Variants in CSPG4 observed in about 807,000 individuals in gnomAD.
The protein encoded by CSPG4 is chondroitin sulfate proteoglycan 4.
A neutral mutation model predicts 139.3 loss-of-function variants in CSPG4; 74 were observed. That is an observed-to-expected ratio of 0.53 (90% CI 0.44 to 0.64). The LOEUF (loss-of-function observed/expected upper bound fraction) is 0.64. CSPG4 is among the 30% of genes least tolerant of loss of function. The pLI is 0.00. For missense variants in CSPG4, 2,565 were observed against 3,148.3 expected, an observed-to-expected ratio of 0.81 and a Z score of 4.43; for synonymous variants, 1,234 against 1,394.2, an observed-to-expected ratio of 0.89 and a Z score of 2.56.
Position 75,676,816 on chromosome 15 carries a change from T to G in CSPG4, c.5703A>C (p.Ser1901=). ...CGTTGGCCACGAAGGCCAGCCGCCC[T>G]GAATCCACATCGGCTTGCGTGAAGC... is the stretch of plus-strand genomic sequence containing the variant. ...VTRFTQADVD[S]GRLAFVANGS... is the part of the protein sequence containing the mutation. The change falls in exon 10 of 10, where the codon TCA becomes TCC. Residue 1901 remains serine, a synonymous_variant. Transcript: ENST00000308508. 1.3e-6 allele frequency: 2 copies of G among 1,546,442 alleles called. No homozygotes were observed. The highest frequency in any genetic ancestry group is 3.8e-5 in the Admixed American group (2 of 52,166).
At chr15:75,683,947 C>T (rs1894016711) in intron 5 of CSPG4, among the ~76,000 whole-genome samples, 1 of 152,172 alleles carries the variant, frequency 6.6e-6, no homozygotes, top group African/African-American at 2.4e-5. Flanking sequence ...CCTGTGGTTC[C>T]AGAGCACTGT....
At chr15:75,686,618 G>A (rs1018871297) in intron 3 of CSPG4, among the ~76,000 whole-genome samples, 2 of 152,208 alleles carry the variant, frequency 1.3e-5, no homozygotes, top group Admixed American at 1.3e-4. Flanking sequence ...CGGCCCAAAC[G>A]CTGCCTCCTC....
chr15:75,680,694 G>C (rs543061399), intron 8 of CSPG4: 1 of 153,776 alleles, frequency 6.5e-6, no homozygotes, highest in Admixed American at 6.5e-5. Flanking sequence ...TCCTGGACTC[G>C]CAGGCAGAAG....
chr15:75,685,406 G>A lies in CSPG4; in HGVS notation c.4085C>T (p.Ala1362Val), dbSNP rs182540548. Reference sequence around the variant, plus strand: ...ACCCTCAGGGACGCTGAAGTTTTGCGCCTCTAGTGGGATGGCAGCGGGCAG... The same window carrying A: ...ACCCTCAGGGACGCTGAAGTTTTGCACCTCTAGTGGGATGGCAGCGGGCAG... ...EVLPAAIPLEAQNFSVPEGGS... is the reference protein window; with the variant it reads ...EVLPAAIPLEVQNFSVPEGGS... The change falls in exon 4 of 10, where the codon GCG (alanine) becomes GTG (valine). Residue 1362 changes from alanine (A) to valine (V), a missense_variant. This residue lies in a region of CSPG4 where 2,316 missense variants were observed against 2,818.2 expected (regional missense o/e 0.82). Coordinates refer to ENST00000308508, the MANE Select transcript of CSPG4 (RefSeq NM_001897.5). 7.2e-5 allele frequency: 116 copies of A among 1,611,778 alleles called. No homozygotes were observed. In the Admixed American group the frequency reaches 7.8e-4, roughly 11 times the overall value.
rs761337875 is a variant in CSPG4 at position 75,688,026 on chromosome 15, G to A, written c.3039C>T (p.Pro1013=). 1.6e-5 allele frequency: 26 copies of A among 1,611,794 alleles called. No homozygotes were observed. Among genetic ancestry groups the A allele is most frequent in the Admixed American group, 3.3e-5 (2 of 59,958 alleles). ...VRGVFRVAIQ[P]VNDHAPVQTI... Reference sequence around the variant, plus strand: ...TCTGCACAGGGGCGTGGTCATTCACGGGCTGGATGGCCACTCGGAAGACAC... The same window carrying A: ...TCTGCACAGGGGCGTGGTCATTCACAGGCTGGATGGCCACTCGGAAGACAC... Residue 1013 remains proline, a synonymous_variant, in exon 3 of 10, where the codon CCC becomes CCT. Coordinates refer to ENST00000308508, the MANE Select transcript of CSPG4 (RefSeq NM_001897.5).
chr15:75,694,985 T>C (rs1420373117), intron 1 of CSPG4, among the ~76,000 whole-genome samples: 3 of 152,226 alleles, frequency 2.0e-5, no homozygotes, highest in African/African-American at 7.2e-5. Flanking sequence ...CACCGTCACC[T>C]GCTGGAGCGG....
Position 75,685,212 on chromosome 15 carries a change from G to A in CSPG4, c.4272+7C>T. 6.6e-7 allele frequency: 1 copy of A among 1,516,088 alleles called. No homozygotes were observed. The highest frequency in any genetic ancestry group is 8.8e-7 in the Non-Finnish European group (1 of 1,133,574). 93.9% of individuals were successfully genotyped at this position (1,516,088 alleles called of 1,614,324 possible). On this transcript the variant is annotated splice_region_variant and intron_variant, in intron 4 of 9. Transcript: ENST00000308508. Reference sequence around the variant, plus strand: ...CTGCAGCCCCTGGGCCTCTCTCACAGCCATACCATTCTCCAGGAGAAGGCG... The same window carrying A: ...CTGCAGCCCCTGGGCCTCTCTCACAACCATACCATTCTCCAGGAGAAGGCG...
chr15:75,688,663 G>A lies in CSPG4; in HGVS notation c.2402C>T (p.Thr801Ile), dbSNP rs746851237. The A allele has an allele frequency of 1.2e-6, 2 of 1,612,278 alleles. No individual in the cohort carries two copies. The highest frequency in any genetic ancestry group is 1.1e-5 in the South Asian group (1 of 91,060). Residue 801 changes from threonine (T) to isoleucine (I), a missense_variant, in exon 3 of 10, where the codon ACC becomes ATC. By Grantham distance (89) the Thr-to-Ile change is moderately conservative. Coordinates refer to ENST00000308508, the MANE Select transcript of CSPG4 (RefSeq NM_001897.5). The stretch of plus-strand genomic sequence containing the variant: ...GGCCTCCAGGTGGGCTGTGGTGAGG[G>A]TCTCCTGCTGGGTGTTCTGAGTGTG... ...PLHTQNTQQE[T>I]LTTAHLEATL...
At chr15:75,699,325 A>AC (rs1246632551) in intron 1 of CSPG4, among the ~76,000 whole-genome samples, 1 of 152,160 alleles carries the variant, frequency 6.6e-6, no homozygotes. Context: ...AGGTCAGCTG[A>AC]CCTTCTGTTT....
In CSPG4 at chr15:75,683,525, G is replaced by A. The variant is rs542245273; in HGVS notation, c.4450-484C>T. Reference sequence around the variant, plus strand: ...CTCCTTCCAGCTGAGGGAGGGGTGCGTGGCGCAGAGAGTGGGGGGCTGATG... The same window carrying A: ...CTCCTTCCAGCTGAGGGAGGGGTGCATGGCGCAGAGAGTGGGGGGCTGATG... On this transcript the variant is annotated intron_variant, in intron 5 of 9. Coordinates refer to ENST00000308508, the MANE Select transcript of CSPG4 (RefSeq NM_001897.5). Among the ~76,000 whole-genome samples the A allele has an allele frequency of 1.3e-3, 195 of 152,320 alleles. 1 individual carries two copies. The highest frequency in any genetic ancestry group is 4.5e-3 in the African/African-American group (187 of 41,580).
intron 2 of CSPG4, 133 bp from the exon 3 acceptor site, chr15:75,690,945 C>T (rs1894158102): frequency 2.1e-6 from 2 of 939,598 alleles, no homozygotes. Context: ...GAGGCCAAGG[C>T]AGGCGGATCA....
intron 1 of CSPG4, among the ~76,000 whole-genome samples, chr15:75,697,515 C>A (rs1445436566): frequency 1.3e-5 from 2 of 152,238 alleles, no homozygotes; most frequent in East Asian, 3.8e-4. Context: ...CAGCAGGTCC[C>A]AGCACCACCC....
chr15:75,683,936 G>A (rs1894016567), intron 5 of CSPG4, among the ~76,000 whole-genome samples: 1 of 152,134 alleles, frequency 6.6e-6, no homozygotes, highest in Non-Finnish European at 1.5e-5. Flanking sequence ...AGCCGTCCTG[G>A]CCTGTGGTTC....
Position 75,682,544 on chromosome 15 carries a change from A to C in CSPG4, c.4783+63T>G. 3 of 1,598,154 alleles carry C rather than the reference A, an allele frequency of 1.9e-6. No homozygotes were observed. The South Asian group carries it at 3.3e-5, about 18-fold the overall frequency. ...TGCAAAGAGGCAGCGTGACCCTGGC[A>C]TGCCACCCTCAGCTCCGCCCCAGCT... On this transcript the variant is annotated intron_variant, in intron 7 of 9. Coordinates refer to ENST00000308508, the MANE Select transcript of CSPG4 (RefSeq NM_001897.5).
intron 3 of CSPG4, 40 bp from the exon 4 acceptor site, chr15:75,685,741 GA>G: frequency 1.9e-6 from 3 of 1,551,432 alleles, no homozygotes; most frequent in South Asian, 1.2e-5. Context: ...GGGGGCCACA[GA>G]GGGGGTCTCA....
At position 75,677,267 on chromosome 15, in the gene CSPG4, A is replaced by G; in HGVS notation, c.5252T>C (p.Val1751Ala). 1 of 1,497,598 alleles carries G rather than the reference A, an allele frequency of 6.7e-7. No homozygotes were observed. The highest frequency in any genetic ancestry group is 1.4e-5 in the South Asian group (1 of 73,440). 92.8% of individuals were successfully genotyped at this position (1,497,598 alleles called of 1,614,324 possible). A position where few individuals can be genotyped will look rare whatever the true frequency, so the allele number is the denominator to read the frequency against. Reference protein sequence around the residue: ...QRSEHDVLFQVTQFPSRGQLL... With the variant: ...QRSEHDVLFQATQFPSRGQLL... ...CTGGCCCCGGCTGGGGAACTGTGTG[A>G]CCTGGAAGAGCACATCATGCTCTGA... The change falls in exon 10 of 10, where the codon GTC becomes GCC. Residue 1751 changes from valine (V) to alanine (A), a missense_variant. Val to Ala is a moderately conservative substitution (Grantham distance 64, BLOSUM62 0). Coordinates refer to ENST00000308508, the MANE Select transcript of CSPG4 (RefSeq NM_001897.5).
Position 75,682,276 on chromosome 15 carries a change from C to T in CSPG4, c.4950+17G>A. ...GCTGGGGGCATCTGAGTGGTGGCTG[C>T]AAAGTTGGGCCCTTACCTCTGCCTG... On this transcript the variant is annotated intron_variant, in intron 8 of 9. Coordinates refer to ENST00000308508, the MANE Select transcript of CSPG4 (RefSeq NM_001897.5). 6.3e-7 allele frequency: 1 copy of T among 1,596,514 alleles called. No homozygotes were observed. Among genetic ancestry groups the T allele is most frequent in the Non-Finnish European group, 8.5e-7 (1 of 1,179,834 alleles).
rs1405087387 is a variant in CSPG4 at position 75,676,431 on chromosome 15, C to G, written c.6088G>C (p.Ala2030Pro). The G allele has an allele frequency of 6.2e-7, 1 of 1,613,970 alleles. No individual in the cohort carries two copies. Among genetic ancestry groups the G allele is most frequent in the Admixed American group, 1.7e-5 (1 of 60,028 alleles). The part of the protein sequence containing the change: ...SHDHFRVLAL[A>P]RGVNASAVVN... ...ACGGCTGATGCATTGACACCCCTAG[C>G]CAGTGCCAGGACTCTGAAGTGGTCA... The change falls in exon 10 of 10, where the codon GCT (alanine) becomes CCT (proline). Residue 2030 changes from alanine to proline, a missense_variant. Transcript: ENST00000308508.
At position 75,706,207 on chromosome 15, in the gene CSPG4, G is replaced by A. The variant is rs542512631; in HGVS notation, c.88+6461C>T. 5.9e-5 allele frequency among the ~76,000 whole-genome samples: 9 copies of A among 152,330 alleles called. No individual in the cohort carries two copies. In the South Asian group the frequency reaches 1.9e-3, roughly 32 times the overall value. On this transcript the variant is annotated intron_variant, in intron 1 of 9. Coordinates refer to ENST00000308508, the MANE Select transcript of CSPG4 (RefSeq NM_001897.5). ...GAAGGGGCTGCTCTTAGGTGGGAAC[G>A]GAAGTTCGTCTCCTCTCCCCAGCCC...
Sources: gnomAD v4.1 joint callset for allele counts (sites outside exome capture counted in the v4.1 genomes callset) on GRCh38, gnomAD v4.1.1 for gene constraint, gnomAD v4.1.1 regional missense constraint, MANE v1.5 for transcripts, NCBI Gene and HGNC (gene_info 2026-07-23, HGNC 2026-07-21) for gene names.